The following RNF13 variants were observed in gnomAD, a reference collection of about 807,000 sequenced individuals.
RNF13 encodes ring finger protein 13.
RNF13 carries 19 observed loss-of-function variants against 37.7 expected under a neutral mutation model. That is an observed-to-expected ratio of 0.50 (90% CI 0.35 to 0.74). The LOEUF (loss-of-function observed/expected upper bound fraction) is 0.74. Among genes scored for constraint, RNF13 ranks in the 30% least tolerant of loss-of-function variants. The pLI, the probability that RNF13 is intolerant of heterozygous loss-of-function variation, is 0.01. For synonymous variants in RNF13, 144 were observed against 157.8 expected (o/e 0.91, Z 0.65); for missense variants, 375 against 453.0 (o/e 0.83, Z 1.56).
At chr3:149,894,322 T>C (rs1715020212) in intron 4 of RNF13, among the ~76,000 whole-genome samples, 1 of 152,304 alleles carries the variant, frequency 6.6e-6, no homozygotes, top group East Asian at 1.9e-4. Context: ...GGATTGAATA[T>C]GTAGACCTCA....
intron 2 of RNF13, among the ~76,000 whole-genome samples, chr3:149,850,083 G>A (rs982229626): frequency 5.3e-5 from 8 of 151,684 alleles, no homozygotes; most frequent in African/African-American, 4.8e-5. Context: ...GGATTCAAGC[G>A]ACTCTCCTGC....
At chr3:149,824,116 A>G (rs75542748) in intron 1 of RNF13, among the ~76,000 whole-genome samples, 2,581 of 152,326 alleles carry the variant, frequency 0.017, 80 homozygotes, top group African/African-American at 0.058. Context: ...TTGGACATCA[A>G]AATGATAATA....
At chr3:149,951,045 A>AC (rs896285381) in intron 8 of RNF13, among the ~76,000 whole-genome samples, 1 of 151,952 alleles carries the variant, frequency 6.6e-6, no homozygotes, top group African/African-American at 2.4e-5. Context: ...TCTCCCGACC[A>AC]CCCCCAATAC....
intron 3 of RNF13, among the ~76,000 whole-genome samples, chr3:149,863,042 A>AT: frequency 6.6e-6 from 1 of 152,316 alleles, no homozygotes; most frequent in East Asian, 1.9e-4. Flanking sequence ...TTATTAAGGT[A>AT]TTGTAATTGT....
chr3:149,923,160 T>C (rs1437750865), intron 8 of RNF13, among the ~76,000 whole-genome samples: 1 of 152,146 alleles, frequency 6.6e-6, no homozygotes, highest in African/African-American at 2.4e-5. Flanking sequence ...AAGAAATGAA[T>C]AGACATTTCT....
chr3:149,831,098 T>C (rs1720989783), intron 1 of RNF13, among the ~76,000 whole-genome samples: 1 of 152,264 alleles, frequency 6.6e-6, no homozygotes, highest in Non-Finnish European at 1.5e-5. Context: ...AGAAGTTTGC[T>C]GCGGGGGTGA....
intron 4 of RNF13, among the ~76,000 whole-genome samples, chr3:149,881,116 GT>G (rs1391729749): frequency 6.6e-6 from 1 of 152,162 alleles, no homozygotes; most frequent in Non-Finnish European, 1.5e-5. Context: ...ATGACCTATA[GT>G]TTGAAAAATG....
chr3:149,921,303 TTTA>T (rs1215760083), intron 8 of RNF13, 76 bp downstream of exon 8: 180 of 438,374 alleles, frequency 4.1e-4, no homozygotes, highest in South Asian at 8.2e-4. Flanking sequence ...TAAAAAAATT[TTTA>T]TTATTATTAT....
At chr3:149,881,333 A>T (rs2108461449) in intron 4 of RNF13, among the ~76,000 whole-genome samples, 1 of 151,782 alleles carries the variant, frequency 6.6e-6, no homozygotes, top group South Asian at 2.1e-4. Flanking sequence ...ATAACAAAAG[A>T]TCTTTGTTTT....
intron 6 of RNF13, among the ~76,000 whole-genome samples, chr3:149,903,743 A>G (rs1471967420): frequency 1.3e-5 from 2 of 152,158 alleles, no homozygotes; most frequent in Admixed American, 6.6e-5. Context: ...TTGAGGCAAC[A>G]CCCCATAATC....
chr3:149,816,322 G>A lies in RNF13; in HGVS notation c.-17+2969G>A, dbSNP rs537854472. ...ATCACAGGTATTCTGACTACAGAAC[G>A]TCTGTCTCTTTTGTGTCTTATTTCA... On this transcript the variant is annotated intron_variant, in intron 1 of 9. Transcript: ENST00000392894. 3.2e-4 allele frequency among the ~76,000 whole-genome samples: 49 copies of A among 152,222 alleles called. 1 individual carries two copies. In the South Asian group the frequency reaches 9.7e-3, roughly 30 times the overall value.
intron 7 of RNF13, among the ~76,000 whole-genome samples, chr3:149,915,287 A>T (rs369456524): frequency 6.6e-6 from 1 of 152,182 alleles, no homozygotes; most frequent in Non-Finnish European, 1.5e-5. Context: ...TTAATTTTTT[A>T]TACTTGGATA....
chr3:149,818,191 T>C (rs547212758), intron 1 of RNF13, among the ~76,000 whole-genome samples: 25 of 152,320 alleles, frequency 1.6e-4, no homozygotes, highest in Middle Eastern at 3.4e-3. Flanking sequence ...ACTCAAATAT[T>C]TGTTGAGTAC....
chr3:149,887,493 G>C (rs1436281561), intron 4 of RNF13, among the ~76,000 whole-genome samples: 3 of 152,086 alleles, frequency 2.0e-5, no homozygotes, highest in Non-Finnish European at 4.4e-5. Flanking sequence ...TAGAGATGGG[G>C]TCTCTTTACA....
At chr3:149,876,848 G>A (rs1422100216) in intron 4 of RNF13, among the ~76,000 whole-genome samples, 5 of 132,648 alleles carry the variant, frequency 3.8e-5, no homozygotes, top group African/African-American at 5.9e-5. Context: ...GCACGGTCTT[G>A]GCTCACTGCA....
intron 8 of RNF13, among the ~76,000 whole-genome samples, chr3:149,949,692 C>T (rs976621937): frequency 6.6e-6 from 1 of 151,574 alleles, no homozygotes; most frequent in African/African-American, 2.4e-5. Context: ...GATGCTATCC[C>T]AGAAGTCCCT....
intron 5 of RNF13, among the ~76,000 whole-genome samples, chr3:149,897,785 C>T (rs1253439547): frequency 6.6e-6 from 1 of 152,074 alleles, no homozygotes; most frequent in African/African-American, 2.4e-5. Context: ...CAAGGCCTTT[C>T]CTAGGAATAC....
chr3:149,897,753 G>GGCTT (rs1481759233), intron 5 of RNF13, among the ~76,000 whole-genome samples: 2 of 152,158 alleles, frequency 1.3e-5, no homozygotes, highest in Non-Finnish European at 2.9e-5. Context: ...TATCAGAAGA[G>GGCTT]GCTTGTATCT....
rs556105232 is a variant in RNF13 at position 149,899,127 on chromosome 3, T to C, written c.410-2945T>C. Reference sequence around the variant, plus strand: ...CAAATATGATGGGCCTTGTCAGCCATGATAAGGACTTTGGAATTTATTCTA... The same window carrying C: ...CAAATATGATGGGCCTTGTCAGCCACGATAAGGACTTTGGAATTTATTCTA... On this transcript the variant is annotated intron_variant, in intron 5 of 9. Coordinates refer to ENST00000392894, the MANE Select transcript of RNF13 (RefSeq NM_183381.3). Among the ~76,000 whole-genome samples the C allele has an allele frequency of 2.0e-5, 3 of 152,254 alleles. No homozygotes were observed. In the East Asian group the frequency reaches 5.8e-4, roughly 29 times the overall value.
Sources: allele counts gnomAD v4.1 joint callset (sites outside exome capture counted in the v4.1 genomes callset), GRCh38; gene constraint gnomAD v4.1.1; transcripts MANE v1.5; gene names NCBI Gene and HGNC (gene_info 2026-07-23, HGNC 2026-07-21).